The following RANBP2 variants were observed in gnomAD, a reference collection of about 807,000 sequenced individuals.
RANBP2 encodes the protein E3 SUMO-protein ligase RanBP2.
RANBP2 carries 57 observed loss-of-function variants against 303.6 expected under a neutral mutation model. The ratio of observed to expected loss-of-function variants is 0.19; its 90% CI spans 0.15 to 0.23. The LOEUF (loss-of-function observed/expected upper bound fraction) is 0.23, where lower values mean the gene tolerates loss of function less well. Ranked by LOEUF, RANBP2 falls within the 10% of genes least tolerant of loss-of-function variation. RANBP2 has a pLI of 1.00. For missense variants in RANBP2, 3,138 were observed against 3,780.8 expected, an observed-to-expected ratio of 0.83 and a Z score of 4.46; for synonymous variants, 1,167 against 1,301.5, an observed-to-expected ratio of 0.90 and a Z score of 2.23.
chr2:109,691,402 C>CG, the RANBP2 span, among the ~76,000 whole-genome samples: 1 of 152,064 alleles, frequency 6.6e-6, no homozygotes, highest in African/African-American at 2.4e-5. Flanking sequence ...TGGGTTGGAC[C>CG]GGGGCCTGGT....
At chr2:109,209,247 T>C in the RANBP2 span, among the ~76,000 whole-genome samples, 1 of 152,182 alleles carries the variant, frequency 6.6e-6, no homozygotes, top group African/African-American at 2.4e-5. Flanking sequence ...GTAGGAAAAC[T>C]GAGAGGTCAT....
At chr2:109,603,943 C>T in the RANBP2 span, among the ~76,000 whole-genome samples, 6 of 151,530 alleles carry the variant, frequency 4.0e-5, no homozygotes, top group Non-Finnish European at 7.4e-5. Context: ...GGGCGGATCA[C>T]GAGGTCAGGA....
At chr2:108,752,955 T>C (rs1025810611) in intron 12 of RANBP2, 43 bp from the exon 13 acceptor site, 5 of 1,605,628 alleles carry the variant, frequency 3.1e-6, no homozygotes, top group South Asian at 1.1e-5. Context: ...GATCTAATCA[T>C]GCGTGTTCCT....
the RANBP2 span, among the ~76,000 whole-genome samples, chr2:109,470,398 C>T: frequency 8.5e-5 from 13 of 152,192 alleles, no homozygotes; most frequent in Non-Finnish European, 1.5e-4. Flanking sequence ...CCTGGAAGCG[C>T]CTTGTCAATC....
chr2:108,969,453 A>G, the RANBP2 span, among the ~76,000 whole-genome samples: 2 of 152,206 alleles, frequency 1.3e-5, no homozygotes, highest in African/African-American at 4.8e-5. Flanking sequence ...TTATGGGGCC[A>G]GACACCATGC....
the RANBP2 span, among the ~76,000 whole-genome samples, chr2:109,305,650 C>T: frequency 6.6e-6 from 1 of 152,228 alleles, no homozygotes; most frequent in Non-Finnish European, 1.5e-5. Context: ...GCCTCATGTG[C>T]ACTCAGCATT....
At chr2:109,078,779 G>A in the RANBP2 span, among the ~76,000 whole-genome samples, 1 of 149,528 alleles carries the variant, frequency 6.7e-6, no homozygotes, top group Admixed American at 6.6e-5. Flanking sequence ...TCAGGAGATC[G>A]AGACCATTCT....
downstream of RANBP2, chr2:108,788,918 A>G: frequency 6.2e-7 from 1 of 1,614,166 alleles, no homozygotes; most frequent in Non-Finnish European, 8.5e-7. Context: ...GAAAGCAAGC[A>G]TTGTAGAACA....
At chr2:109,572,992 T>C in the RANBP2 span, among the ~76,000 whole-genome samples, 2 of 152,208 alleles carry the variant, frequency 1.3e-5, no homozygotes, top group African/African-American at 4.8e-5. Flanking sequence ...AAATAAAGAA[T>C]ATATTTAAAT....
the RANBP2 span, among the ~76,000 whole-genome samples, chr2:109,691,394 G>T: frequency 6.6e-6 from 1 of 152,152 alleles, no homozygotes; most frequent in African/African-American, 2.4e-5. Flanking sequence ...CATAAGGCTG[G>T]GTTGGACCGG....
chr2:108,800,134 A>G, the RANBP2 span, among the ~76,000 whole-genome samples: 1 of 151,940 alleles, frequency 6.6e-6, no homozygotes, highest in Admixed American at 6.6e-5. Flanking sequence ...GGTTCTTTGT[A>G]TGTTCAGTGA....
the RANBP2 span, among the ~76,000 whole-genome samples, chr2:109,676,462 T>G: frequency 2.0e-5 from 3 of 152,208 alleles, no homozygotes; most frequent in African/African-American, 7.2e-5. Flanking sequence ...GGCGGGCTGC[T>G]CAGTGTTGTT....
chr2:108,740,628 C>G lies in RANBP2; in HGVS notation c.922C>G (p.Gln308Glu). The G allele has an allele frequency of 6.3e-7, 1 of 1,597,492 alleles. No individual in the cohort carries two copies. Among genetic ancestry groups the G allele is most frequent in the Non-Finnish European group, 8.5e-7 (1 of 1,179,776 alleles). ...LKMGQHSSNV[Q>E]WRALSELAAL... ...GATGGGTCAGCATAGTAGTAATGTTCAATGGCGAGCTCTTTCTGAGCTGGC... is the reference window on the plus strand; with the variant it reads ...GATGGGTCAGCATAGTAGTAATGTTGAATGGCGAGCTCTTTCTGAGCTGGC... The change falls in exon 7 of 29, where the codon CAA becomes GAA. Residue 308 changes from glutamine (Q) to glutamate (E), a missense_variant. Physicochemically the swap from Gln to Glu is conservative, Grantham distance 29. Around this residue, in one of 20 missense-constraint regions of RANBP2, gnomAD observed 306 missense variants for 381.9 expected, o/e 0.80. Coordinates refer to ENST00000283195, the MANE Select transcript of RANBP2 (RefSeq NM_006267.5).
At chr2:108,858,063 G>T in the RANBP2 span, among the ~76,000 whole-genome samples, 3 of 152,178 alleles carry the variant, frequency 2.0e-5, no homozygotes, top group African/African-American at 7.2e-5. Context: ...CTCAAATTCA[G>T]CCAGGTGCAG....
chr2:109,524,213 G>A, the RANBP2 span, among the ~76,000 whole-genome samples: 5 of 152,006 alleles, frequency 3.3e-5, no homozygotes, highest in East Asian at 9.7e-4. Flanking sequence ...CACACAGCTT[G>A]TCCAAAGGCT....
At chr2:109,197,900 A>C in the RANBP2 span, among the ~76,000 whole-genome samples, 1 of 152,242 alleles carries the variant, frequency 6.6e-6, no homozygotes, top group Non-Finnish European at 1.5e-5. Context: ...TTTTGCATCA[A>C]ATCCCACAGA....
the RANBP2 span, among the ~76,000 whole-genome samples, chr2:109,116,537 T>C: frequency 6.6e-6 from 1 of 152,218 alleles, no homozygotes; most frequent in African/African-American, 2.4e-5. Flanking sequence ...TTTGTCTAAA[T>C]TTTTTTCAAA....
chr2:109,720,820 T>C, the RANBP2 span, among the ~76,000 whole-genome samples: 5 of 152,328 alleles, frequency 3.3e-5, no homozygotes, highest in East Asian at 9.6e-4. Flanking sequence ...GGCTGGGACC[T>C]CACAGCAGGG....
At chr2:109,472,141 A>T in the RANBP2 span, among the ~76,000 whole-genome samples, 1 of 152,222 alleles carries the variant, frequency 6.6e-6, no homozygotes, top group Non-Finnish European at 1.5e-5. Flanking sequence ...ATTAACAACC[A>T]CCTGTGACCT....
Sources: allele counts gnomAD v4.1 joint callset (sites outside exome capture counted in the v4.1 genomes callset), GRCh38; gene constraint gnomAD v4.1.1; regional missense constraint gnomAD v4.1.1; transcripts MANE v1.5; gene names NCBI Gene and HGNC (gene_info 2026-07-23, HGNC 2026-07-21).